The following KCTD16 variants were observed in gnomAD, a reference collection of about 807,000 sequenced individuals.
KCTD16 encodes BTB/POZ domain-containing protein KCTD16.
KCTD16 carries 13 observed loss-of-function variants against 33.2 expected under a neutral mutation model. That is an observed-to-expected ratio of 0.39 (90% CI 0.25 to 0.62). The LOEUF (loss-of-function observed/expected upper bound fraction) is 0.62, where lower values mean the gene tolerates loss of function less well. Ranked by LOEUF, KCTD16 falls within the 20% of genes least tolerant of loss-of-function variation. KCTD16 has a pLI of 0.50. For missense variants in KCTD16, 441 were observed against 525.1 expected (o/e 0.84, Z 1.57); for synonymous variants, 197 against 195.3 (o/e 1.01, Z -0.07).
At chr5:144,326,812 C>T (rs1296907747) in intron 3 of KCTD16, among the ~76,000 whole-genome samples, 2 of 152,112 alleles carry the variant, frequency 1.3e-5, no homozygotes, top group East Asian at 1.9e-4. Flanking sequence ...CAAAGTGCTT[C>T]TTAAAATTCT....
chr5:144,215,966 A>G (rs1486990211), intron 3 of KCTD16, among the ~76,000 whole-genome samples: 4 of 152,152 alleles, frequency 2.6e-5, no homozygotes, highest in Non-Finnish European at 5.9e-5. Flanking sequence ...TCTAGTAACT[A>G]TTTGCTTCAT....
chr5:144,452,173 A>G, intron 3 of KCTD16, among the ~76,000 whole-genome samples: 1 of 140,036 alleles, frequency 7.1e-6, no homozygotes, highest in East Asian at 2.0e-4. Context: ...TATTCCTGTC[A>G]CTCTCTAAGA....
rs138105633 is a variant in KCTD16, at chr5:144,239,376, G to A, written c.832+31830G>A. Among the ~76,000 whole-genome samples, 546 of 152,100 alleles carry A rather than the reference G, an allele frequency of 3.6e-3. 3 individuals are homozygous for A. Among genetic ancestry groups the A allele is most frequent in the African/African-American group, 0.013 (526 of 41,504 alleles). On this transcript the variant is annotated intron_variant, in intron 3 of 3. Transcript: ENST00000512467. ...ATGTGTCTATTGAAATCCCTGAAAGGCTTTATTTTAAATTGTCTTCTTTAC... is the reference window on the plus strand; with the variant it reads ...ATGTGTCTATTGAAATCCCTGAAAGACTTTATTTTAAATTGTCTTCTTTAC...
intron 3 of KCTD16, among the ~76,000 whole-genome samples, chr5:144,403,941 G>A (rs73795535): frequency 0.016 from 2,377 of 152,274 alleles, 52 homozygotes; most frequent in African/African-American, 0.054. Context: ...TCAAATCCAT[G>A]TAGGAGGGGC....
chr5:144,312,114 G>T (rs1292021321), intron 3 of KCTD16, among the ~76,000 whole-genome samples: 1 of 152,134 alleles, frequency 6.6e-6, no homozygotes, highest in Non-Finnish European at 1.5e-5. Flanking sequence ...AAACACATAT[G>T]CAGACTGCTC....
chr5:144,207,570 T>A, intron 3 of KCTD16, 24 bp downstream of exon 3: 1 of 1,532,404 alleles, frequency 6.5e-7, no homozygotes, highest in African/African-American at 1.4e-5. Flanking sequence ...GTTGTTTTAA[T>A]TTTTTATGTG....
intron 1 of KCTD16, among the ~76,000 whole-genome samples, chr5:144,171,655 TGG>T (rs1331560685): frequency 6.6e-6 from 1 of 151,874 alleles, no homozygotes; most frequent in Non-Finnish European, 1.5e-5. Flanking sequence ...TTGGGGGCGG[TGG>T]GGGCAACATT....
At chr5:144,273,576 C>T (rs1755360225) in intron 3 of KCTD16, among the ~76,000 whole-genome samples, 1 of 152,098 alleles carries the variant, frequency 6.6e-6, no homozygotes, top group Non-Finnish European at 1.5e-5. Flanking sequence ...CCTAAGTGTC[C>T]TTTGACAGAT....
intron 2 of KCTD16, among the ~76,000 whole-genome samples, chr5:144,194,957 A>G (rs138377310): frequency 2.8e-4 from 43 of 152,342 alleles, no homozygotes; most frequent in South Asian, 6.2e-4. Context: ...GGTGACCACA[A>G]ATCCTTCAAT....
At chr5:144,309,282 T>C (rs1376226210) in intron 3 of KCTD16, among the ~76,000 whole-genome samples, 1 of 152,120 alleles carries the variant, frequency 6.6e-6, no homozygotes, top group Non-Finnish European at 1.5e-5. Flanking sequence ...TTGATCAATA[T>C]GTCCTACGAC....
chr5:144,431,001 C>T (rs1471672247), intron 3 of KCTD16, among the ~76,000 whole-genome samples: 1 of 152,102 alleles, frequency 6.6e-6, no homozygotes, highest in Non-Finnish European at 1.5e-5. Context: ...TTCAGGGATT[C>T]CATAGTCCTC....
chr5:144,269,061 G>T (rs147061121), intron 3 of KCTD16, among the ~76,000 whole-genome samples: 1 of 152,130 alleles, frequency 6.6e-6, no homozygotes, highest in East Asian at 1.9e-4. Context: ...AGTAAGAAAA[G>T]ATTACAGAAA....
chr5:144,474,985 C>A lies in KCTD16; in HGVS notation c.*871C>A, dbSNP rs932897470. 7 of 152,154 alleles carry A rather than the reference C, an allele frequency of 4.6e-5. No individual in the cohort carries two copies. Among genetic ancestry groups the A allele is most frequent in the African/African-American group, 1.4e-4 (6 of 41,418 alleles). The allele number at this position is 152,154 out of a possible 1,614,324, so 9.4% of individuals were successfully genotyped here. A position where few individuals can be genotyped will look rare whatever the true frequency, so the allele number is the denominator to read the frequency against. On this transcript the variant is annotated 3_prime_UTR_variant, in exon 4 of 4. Coordinates refer to ENST00000512467, the MANE Select transcript of KCTD16 (RefSeq NM_020768.4). ...CCTTGTGTTAAAAAAATCAAACATT[C>A]ATATCCACAAAATTTTCTGCTAAAT...
chr5:144,308,435 GC>G (rs1751667917), intron 3 of KCTD16, among the ~76,000 whole-genome samples: 1 of 152,144 alleles, frequency 6.6e-6, no homozygotes, highest in Non-Finnish European at 1.5e-5. Flanking sequence ...AATTTAGCCC[GC>G]CTGAGGCGGG....
rs1754534292 is a variant in KCTD16 at position 144,473,860 on chromosome 5, C to G, written c.1033C>G (p.Pro345Ala). 8 of 1,614,102 alleles carry G rather than the reference C, an allele frequency of 5.0e-6. No homozygotes were observed. The highest frequency in any genetic ancestry group is 1.1e-5 in the South Asian group (1 of 91,070). Reference protein sequence around the residue: ...RQTNIQTLDRPIKKGPVQLIQ... With the variant: ...RQTNIQTLDRAIKKGPVQLIQ... ...GACCAACATCCAGACTCTGGACCGT[C>G]CCATCAAGAAGGGCCCTGTCCAGCT... The change falls in exon 4 of 4, where the codon CCC becomes GCC. Residue 345 changes from proline (P) to alanine (A), a missense_variant. Pro to Ala is a conservative substitution (Grantham distance 27, BLOSUM62 -1). Coordinates refer to ENST00000512467, the MANE Select transcript of KCTD16 (RefSeq NM_020768.4).
At chr5:144,345,535 G>T (rs775255780) in intron 3 of KCTD16, among the ~76,000 whole-genome samples, 30 of 151,796 alleles carry the variant, frequency 2.0e-4, no homozygotes, top group Non-Finnish European at 3.8e-4. Flanking sequence ...TAAACCTTTT[G>T]GGTTTTTCTT....
intron 3 of KCTD16, among the ~76,000 whole-genome samples, chr5:144,309,368 T>G (rs2126876283): frequency 6.6e-6 from 1 of 151,734 alleles, no homozygotes; most frequent in Non-Finnish European, 1.5e-5. Flanking sequence ...CCTCCACATT[T>G]TTTTTTTTTT....
At position 144,345,301 on chromosome 5, in the gene KCTD16, T is replaced by C. The variant is rs184732642; in HGVS notation, c.833-128359T>C. 3.6e-3 allele frequency among the ~76,000 whole-genome samples: 550 copies of C among 151,964 alleles called. 3 individuals carry two copies. Among genetic ancestry groups the C allele is most frequent in the African/African-American group, 0.013 (530 of 41,448 alleles). ...GCACACCAGCATGGCACATGTATAC[T>C]TATGTAACTAAGCTGCACATTGTGC... On this transcript the variant is annotated intron_variant, in intron 3 of 3. Coordinates refer to ENST00000512467, the MANE Select transcript of KCTD16 (RefSeq NM_020768.4).
intron 3 of KCTD16, among the ~76,000 whole-genome samples, chr5:144,216,087 A>G (rs1176001136): frequency 6.6e-6 from 1 of 152,218 alleles, no homozygotes; most frequent in African/African-American, 2.4e-5. Context: ...GATGGATTTA[A>G]AAATTAAGAA....
Sources: gnomAD v4.1 joint callset for allele counts (sites outside exome capture counted in the v4.1 genomes callset) on GRCh38, gnomAD v4.1.1 for gene constraint, MANE v1.5 for transcripts, NCBI Gene and HGNC (gene_info 2026-07-23, HGNC 2026-07-21) for gene names.